DHTKD1: variants seen among roughly 807,000 people sequenced by gnomAD.
DHTKD1 encodes 2-oxoadipate dehydrogenase complex component E1.
Under a neutral mutation model 101.8 loss-of-function variants are expected in DHTKD1, and 78 were observed. The observed-to-expected ratio is 0.77, with a 90% confidence interval of 0.64 to 0.93. The LOEUF (loss-of-function observed/expected upper bound fraction) is 0.93, where lower values mean the gene tolerates loss of function less well. Ranked by LOEUF, DHTKD1 falls within the 40% of genes least tolerant of loss-of-function variation. The pLI is 0.00. For missense variants in DHTKD1, 1,223 were observed against 1,161.7 expected, an observed-to-expected ratio of 1.05 and a Z score of -0.77; for synonymous variants, 462 against 450.3, an observed-to-expected ratio of 1.03 and a Z score of -0.33.
chr10:12,106,169 C>T, intron 10 of DHTKD1, 77 bp from the exon 11 acceptor site: 1 of 1,500,608 alleles, frequency 6.7e-7, no homozygotes, highest in Non-Finnish European at 9.2e-7. Context: ...CACCACCTCC[C>T]TTCGATAAGT....
intron 10 of DHTKD1, among the ~76,000 whole-genome samples, chr10:12,102,422 C>CAAAAAAAAAAAAAAAAAAA (rs752816882): frequency 1.5e-5 from 1 of 64,838 alleles, no homozygotes; most frequent in Non-Finnish European, 3.1e-5. Flanking sequence ...GACTCTGTCT[C>CAAAAAAAAAAAAAAAAAAA]AAAAAAAAAA....
In DHTKD1 at chr10:12,100,285, C is replaced by CTTTTTTTTTT. The variant is rs571364518; in HGVS notation, c.1756+24_1756+25insTTTTTTTTTT. 25 of 229,474 alleles carry CTTTTTTTTTT rather than the reference C, an allele frequency of 1.1e-4. 2 individuals carry two copies. Among genetic ancestry groups the CTTTTTTTTTT allele is most frequent in the South Asian group, 3.0e-4 (5 of 16,506 alleles). 14.2% of individuals were successfully genotyped at this position (229,474 alleles called of 1,614,324 possible). A position where few individuals can be genotyped will look rare whatever the true frequency, so the allele number is the denominator to read the frequency against. ...AAGGTAAGAATTTTCTTTTTTTTTT[C>CTTTTTTTTTT]TGTTTTTTTTTTTTTTGAGTCTCAC... On this transcript the variant is annotated intron_variant, in intron 9 of 16. Transcript: ENST00000263035.
At position 12,084,676 on chromosome 10, in the gene DHTKD1, G is replaced by A. The variant is rs757610245; in HGVS notation, c.447G>A (p.Arg149=). ...ATGAGAAAGACTGGTTTGCCAAGCG[G>A]TTTGAGGAACTGCAAAAGGAGACGT... ...SQDEKDWFAK[R]FEELQKETFT... Residue 149 remains arginine (R), a synonymous_variant, in exon 3 of 17, where the codon CGG becomes CGA. Transcript: ENST00000263035. The A allele has an allele frequency of 4.3e-6, 7 of 1,614,174 alleles. No homozygotes were observed. Among genetic ancestry groups the A allele is most frequent in the Non-Finnish European group, 5.9e-6 (7 of 1,180,034 alleles).
At chr10:12,076,446 A>G (rs1369544779) in intron 1 of DHTKD1, among the ~76,000 whole-genome samples, 2 of 151,568 alleles carry the variant, frequency 1.3e-5, no homozygotes, top group African/African-American at 4.8e-5. Context: ...ACTGCACTCC[A>G]GCCTTGGCAA....
In DHTKD1 at chr10:12,103,941, C is replaced by A. The variant is rs964449530; in HGVS notation, c.1897-2305C>A. On this transcript the variant is annotated intron_variant, in intron 10 of 16. Transcript: ENST00000263035. The surrounding 1 kb of genome is among the most constrained non-coding windows in gnomAD (Gnocchi z 4.8). ...AGAGTTGTGTAATCATCACCACTATCTAATTTTAGAACATTTTCATTACCC... is the reference window on the plus strand; with the variant it reads ...AGAGTTGTGTAATCATCACCACTATATAATTTTAGAACATTTTCATTACCC... Among the ~76,000 whole-genome samples, 1 of 152,152 alleles carries A rather than the reference C, an allele frequency of 6.6e-6. No homozygotes were observed. The highest frequency in any genetic ancestry group is 1.5e-5 in the Non-Finnish European group (1 of 68,036).
rs1457770815 is a variant in DHTKD1 at position 12,113,033 on chromosome 10, T to A, written c.2288T>A (p.Val763Asp). ...CGGAACTTCAGAAAACCACTCATTG[T>A]TGCTTCCCCTAAGATGTTACTCAGG... ...MVRNFRKPLI[V>D]ASPKMLLRLP... Residue 763 changes from valine to aspartate, a missense_variant, in exon 13 of 17, where the codon GTT becomes GAT. Physicochemically the swap from Val to Asp is radical, Grantham distance 152 (BLOSUM62 -3). Coordinates refer to ENST00000263035, the MANE Select transcript of DHTKD1 (RefSeq NM_018706.7). 2 of 1,613,264 alleles carry A rather than the reference T, an allele frequency of 1.2e-6. No individual in the cohort carries two copies. The highest frequency in any genetic ancestry group is 2.7e-5 in the African/African-American group (2 of 74,900).
At chr10:12,074,328 G>A (rs781530979) in intron 1 of DHTKD1, among the ~76,000 whole-genome samples, 3 of 151,984 alleles carry the variant, frequency 2.0e-5, no homozygotes, top group East Asian at 1.9e-4. Flanking sequence ...TCACAGGCAC[G>A]TGCCACCACA....
intron 10 of DHTKD1, among the ~76,000 whole-genome samples, chr10:12,102,646 A>T (rs536288310): frequency 2.0e-5 from 3 of 152,160 alleles, no homozygotes; most frequent in African/African-American, 7.2e-5. Context: ...GAATTTTGCT[A>T]TTGAAAAAGT....
intron 7 of DHTKD1, among the ~76,000 whole-genome samples, chr10:12,095,812 C>CAAAA (rs1185585860): frequency 0.021 from 849 of 41,348 alleles, 22 homozygotes; most frequent in African/African-American, 0.022. Context: ...GACTCCGTCT[C>CAAAA]AAAAAAAAAA....
At chr10:12,097,476 G>C (rs977000463) in intron 7 of DHTKD1, among the ~76,000 whole-genome samples, 1 of 152,036 alleles carries the variant, frequency 6.6e-6, no homozygotes, top group Non-Finnish European at 1.5e-5. Context: ...GTTTCACCAC[G>C]TTGGCCAGGC....
In DHTKD1 at chr10:12,120,272, T is replaced by G. The variant is rs956634679; in HGVS notation, c.2658+5T>G. On this transcript the variant is annotated splice_donor_5th_base_variant and intron_variant, in intron 16 of 16. Transcript: ENST00000263035. ...GAAAAGCAGCTGGCCTGCAAGGTAA[T>G]CACACGTTTTCTCTGGTAGTGTTTT... 7.5e-6 allele frequency: 12 copies of G among 1,607,730 alleles called. No individual in the cohort carries two copies. Among genetic ancestry groups the G allele is most frequent in the Non-Finnish European group, 1.0e-5 (12 of 1,175,028 alleles).
In DHTKD1 at chr10:12,120,824, C is replaced by T; in HGVS notation, c.2696C>T (p.Ala899Val). The T allele has an allele frequency of 6.2e-7, 1 of 1,614,134 alleles. No homozygotes were observed. The highest frequency in any genetic ancestry group is 8.5e-7 in the Non-Finnish European group (1 of 1,180,002). Residue 899 changes from alanine to valine, a missense_variant, in exon 17 of 17, where the codon GCT (alanine) becomes GTT (valine). Physicochemically the swap from Ala to Val is moderately conservative, Grantham distance 64. Coordinates refer to ENST00000263035, the MANE Select transcript of DHTKD1 (RefSeq NM_018706.7). ...LVGRPPLPVP[A>V]VGIGTVHLHQ... ...GGCCGGCCCCCTTTGCCAGTACCCG[C>T]TGTAGGAATTGGCACAGTTCACTTG...
intron 10 of DHTKD1, among the ~76,000 whole-genome samples, chr10:12,105,097 T>TG (rs1360936382): frequency 2.0e-5 from 3 of 152,004 alleles, no homozygotes; most frequent in Non-Finnish European, 4.4e-5. Flanking sequence ...TGACCTCAGG[T>TG]GATCCTCCTG....
intron 13 of DHTKD1, among the ~76,000 whole-genome samples, chr10:12,114,431 G>C (rs1388095544): frequency 2.0e-5 from 3 of 151,724 alleles, no homozygotes; most frequent in Non-Finnish European, 4.4e-5. Context: ...TGAGTAGCTG[G>C]GATTATAGGC....
At chr10:12,119,581 A>AC (rs1218308196) in intron 15 of DHTKD1, among the ~76,000 whole-genome samples, 1 of 143,808 alleles carries the variant, frequency 7.0e-6, no homozygotes, top group Non-Finnish European at 1.5e-5. Flanking sequence ...GCGCTACTGC[A>AC]CTCCAGCCTG....
chr10:12,118,469 G>A (rs965315662), intron 14 of DHTKD1, among the ~76,000 whole-genome samples: 1 of 148,536 alleles, frequency 6.7e-6, no homozygotes, highest in Non-Finnish European at 1.5e-5. Flanking sequence ...TGCAAGCTCC[G>A]CCTCCCGGGT....
At chr10:12,070,767 G>T (rs1040613187) in intron 1 of DHTKD1, among the ~76,000 whole-genome samples, 24 of 152,198 alleles carry the variant, frequency 1.6e-4, no homozygotes, top group Non-Finnish European at 2.6e-4. Context: ...GGGATTACAG[G>T]CATGAGCCAC....
intron 7 of DHTKD1, among the ~76,000 whole-genome samples, chr10:12,095,295 A>G (rs1271011463): frequency 6.6e-6 from 1 of 152,240 alleles, no homozygotes; most frequent in African/African-American, 2.4e-5. Context: ...TCAAACACTT[A>G]GCATGTAAAA....
At chr10:12,079,630 T>A (rs1832784714) in intron 1 of DHTKD1, among the ~76,000 whole-genome samples, 1 of 151,888 alleles carries the variant, frequency 6.6e-6, no homozygotes, top group Non-Finnish European at 1.5e-5. Flanking sequence ...ATTGCACCAC[T>A]GCACTCCAGC....
Sources: allele counts gnomAD v4.1 joint callset (sites outside exome capture counted in the v4.1 genomes callset), GRCh38; gene constraint gnomAD v4.1.1; non-coding constraint Gnocchi (gnomAD v3.1); transcripts MANE v1.5; gene names NCBI Gene and HGNC (gene_info 2026-07-23, HGNC 2026-07-21).